Variants in TGIF1 observed in about 807,000 individuals in gnomAD.
TGIF1 encodes the protein TGFB induced factor homeobox 1.
TGIF1 carries 4 observed loss-of-function variants against 19.3 expected under a neutral mutation model. That is an observed-to-expected ratio of 0.21 (90% CI 0.10 to 0.47). The LOEUF (loss-of-function observed/expected upper bound fraction) is 0.47, where lower values mean the gene tolerates loss of function less well. Among genes scored for constraint, TGIF1 ranks in the 20% least tolerant of loss-of-function variants. The pLI is 0.98. For missense variants in TGIF1, 275 were observed against 341.4 expected (o/e 0.81, Z 1.53); for synonymous variants, 122 against 129.3 (o/e 0.94, Z 0.38).
At chr18:3,449,654 G>T, upstream of TGIF1, 1 of 985,164 alleles carries the variant, frequency 1.0e-6, no homozygotes, top group Non-Finnish European at 1.2e-6. Context: ...CATTCTGGAA[G>T]AAGTTGGTTC....
chr18:3,414,860 G>A (rs2082311088), intron 1 of TGIF1, among the ~76,000 whole-genome samples: 1 of 152,072 alleles, frequency 6.6e-6, no homozygotes. Context: ...CCTGGGAAAA[G>A]TAAAGAGACC....
upstream of TGIF1, chr18:3,448,717 CTT>C (rs869086299): frequency 0.17 from 43,794 of 253,316 alleles, 907 homozygotes; most frequent in Middle Eastern, 0.2. Flanking sequence ...GCGGGGGTGT[CTT>C]TTTTTTTTTT....
At chr18:3,443,587 T>C in intron 2 of TGIF1, among the ~76,000 whole-genome samples, 1 of 151,988 alleles carries the variant, frequency 6.6e-6, no homozygotes. Flanking sequence ...AATGAGAACT[T>C]TTTTTTTGAG....
chr18:3,453,733 C>G (rs1000804855), intron 1 of TGIF1: 3 of 735,088 alleles, frequency 4.1e-6, no homozygotes, highest in Non-Finnish European at 5.0e-6. Flanking sequence ...AAGGTCGCTG[C>G]TTAGGGCGGT....
At position 3,451,901 on chromosome 18, in the gene TGIF1, GGACT is replaced by G; in HGVS notation, c.16+1400_16+1403del. 2.0e-6 allele frequency: 3 copies of G among 1,498,424 alleles called. No homozygotes were observed. Among genetic ancestry groups the G allele is most frequent in the Non-Finnish European group, 2.7e-6 (3 of 1,124,818 alleles). The allele number at this position is 1,498,424 out of a possible 1,614,324, so 92.8% of individuals were successfully genotyped here. A position where few individuals can be genotyped will look rare whatever the true frequency, so the allele number is the denominator to read the frequency against. ...GTGAAAGCCGTGCCGACCCTTGGGAGGACTGACAGGTCTAGAGACACGCGCTGTC... is the reference window on the plus strand; with the variant it reads ...GTGAAAGCCGTGCCGACCCTTGGGAGGACAGGTCTAGAGACACGCGCTGTC... On this transcript the variant is annotated intron_variant, in intron 1 of 2. Coordinates refer to ENST00000343820, the MANE Select transcript of TGIF1 (RefSeq NM_003244.4). The surrounding 1 kb of genome is among the most constrained non-coding windows in gnomAD (Gnocchi z 5.4).
At chr18:3,434,899 C>T (rs2082595166) in intron 2 of TGIF1, among the ~76,000 whole-genome samples, 2 of 152,140 alleles carry the variant, frequency 1.3e-5, no homozygotes, top group Non-Finnish European at 2.9e-5. Context: ...GCAATGTGAA[C>T]AGGAAAAATA....
chr18:3,452,977 C>T (rs908263220), intron 1 of TGIF1, among the ~76,000 whole-genome samples: 2 of 152,184 alleles, frequency 1.3e-5, no homozygotes, highest in African/African-American at 2.4e-5. Context: ...AGTCTTTTTG[C>T]TCCCAGTTTT....
At position 3,427,796 on chromosome 18, in the gene TGIF1, C is replaced by T. The variant is rs567505668; in HGVS notation, c.-45+9581C>T. On this transcript the variant is annotated intron_variant, in intron 2 of 3. Transcript: ENST00000401449. ...TATATTTTTAGTGGAGACAGGATTT[C>T]GACATGTTGGCCAGGATGGTCTCGA... is the stretch of plus-strand genomic sequence containing the variant. Among the ~76,000 whole-genome samples, 6 of 151,882 alleles carry T rather than the reference C, an allele frequency of 4.0e-5. No individual in the cohort carries two copies. In the South Asian group the frequency reaches 1.2e-3, roughly 32 times the overall value.
intron 2 of TGIF1, among the ~76,000 whole-genome samples, chr18:3,426,595 T>G (rs563444666): frequency 6.6e-6 from 1 of 152,298 alleles, no homozygotes; most frequent in South Asian, 2.1e-4. Flanking sequence ...ATTTGTATTT[T>G]GTTTGCTAAT....
At chr18:3,448,713 GTGTCT>G (rs1555649045), upstream of TGIF1, 22 of 688,992 alleles carry the variant, frequency 3.2e-5, no homozygotes, top group South Asian at 1.3e-4. Flanking sequence ...AGGGGCGGGG[GTGTCT>G]TTTTTTTTTT....
rs1404905719 is a variant in TGIF1, at chr18:3,457,907, A to G, written c.786A>G (p.Ala262=). Residue 262 remains alanine (A), a synonymous_variant, in exon 3 of 3, where the codon GCA becomes GCG. Coordinates refer to ENST00000343820, the MANE Select transcript of TGIF1 (RefSeq NM_003244.4). This position sits in a 1 kb window ranked among gnomAD's most constrained non-coding sequence, Gnocchi z 4.9. ...TGGATGTTGCACTCAAACGGGCTGC[A>G]GAGATGGAGCTTCAGGCAAAACTTA... ...LLVDVALKRA[A]EMELQAKLTA The G allele has an allele frequency of 6.2e-6, 10 of 1,601,460 alleles. No individual in the cohort carries two copies. The highest frequency in any genetic ancestry group is 7.6e-6 in the Non-Finnish European group (9 of 1,179,972).
chr18:3,456,695 CT>C lies in TGIF1; in HGVS notation c.243+120del. 1 of 935,698 alleles carries C rather than the reference CT, an allele frequency of 1.1e-6. No homozygotes were observed. The highest frequency in any genetic ancestry group is 1.7e-6 in the Non-Finnish European group (1 of 589,970). The allele number at this position is 935,698 out of a possible 1,614,324, so 58.0% of individuals were successfully genotyped here. A position where few individuals can be genotyped will look rare whatever the true frequency, so the allele number is the denominator to read the frequency against. On this transcript the variant is annotated intron_variant, in intron 2 of 2. Coordinates refer to ENST00000343820, the MANE Select transcript of TGIF1 (RefSeq NM_003244.4). This position sits in a 1 kb window ranked among gnomAD's most constrained non-coding sequence, Gnocchi z 4.2. ...TGCCACTCAAAGACAGAAGGAATATCTTTTTATTGTAAACTTGATAGTGTTA... is the reference window on the plus strand; with the variant it reads ...TGCCACTCAAAGACAGAAGGAATATCTTTTATTGTAAACTTGATAGTGTTA...
chr18:3,414,834 AG>A (rs1236369209), intron 1 of TGIF1, among the ~76,000 whole-genome samples: 1 of 152,208 alleles, frequency 6.6e-6, no homozygotes, highest in Non-Finnish European at 1.5e-5. Context: ...CACTTGAACC[AG>A]GAGTTCAAGG....
intron 2 of TGIF1, among the ~76,000 whole-genome samples, chr18:3,434,354 C>T (rs1030526923): frequency 4.6e-5 from 7 of 152,046 alleles, no homozygotes; most frequent in African/African-American, 1.4e-4. Context: ...CTGACCAACA[C>T]GTAGAAACCC....
intron 1 of TGIF1, among the ~76,000 whole-genome samples, chr18:3,450,953 C>G (rs2082901896): frequency 6.6e-6 from 1 of 151,874 alleles, no homozygotes. Context: ...CTGAAAGTTC[C>G]ACTCCTAGGC....
chr18:3,456,445 A>G lies in TGIF1; in HGVS notation c.108A>G (p.Arg36=). ...CTTCATCCGCTGGCTCAGGCAAGAG[A>G]AGGAGAAGGGGCAACCTACCCAAGG... is the stretch of plus-strand genomic sequence containing the variant. The part of the protein sequence containing the change: ...DLSSSAGSGK[R]RRRGNLPKES... Residue 36 remains arginine (R), a synonymous_variant, in exon 2 of 3, where the codon AGA becomes AGG. Coordinates refer to ENST00000343820, the MANE Select transcript of TGIF1 (RefSeq NM_003244.4). The surrounding 1 kb of genome is among the most constrained non-coding windows in gnomAD (Gnocchi z 4.2). 6.2e-7 allele frequency: 1 copy of G among 1,614,196 alleles called. No individual in the cohort carries two copies.
chr18:3,421,716 T>C (rs2082400461), intron 2 of TGIF1, among the ~76,000 whole-genome samples: 1 of 150,440 alleles, frequency 6.6e-6, no homozygotes, highest in Admixed American at 6.7e-5. Flanking sequence ...CCATCTATAC[T>C]ATATTTTTAA....
intron 2 of TGIF1, among the ~76,000 whole-genome samples, chr18:3,429,831 T>C (rs886966896): frequency 7.2e-5 from 11 of 152,244 alleles, no homozygotes; most frequent in African/African-American, 2.7e-4. Context: ...TGTGTTTTAG[T>C]GTTGTCAAAG....
intron 2 of TGIF1, among the ~76,000 whole-genome samples, chr18:3,424,897 T>C (rs1302630987): frequency 6.6e-6 from 1 of 152,226 alleles, no homozygotes; most frequent in East Asian, 1.9e-4. Flanking sequence ...CTCTTCCATC[T>C]GGCTGTTCAT....
Sources: allele counts gnomAD v4.1 joint callset (sites outside exome capture counted in the v4.1 genomes callset), GRCh38; gene constraint gnomAD v4.1.1; non-coding constraint Gnocchi (gnomAD v3.1); transcripts MANE v1.5; gene names NCBI Gene and HGNC (gene_info 2026-07-23, HGNC 2026-07-21).